Variants in CEP192 observed in about 807,000 individuals in gnomAD.
CEP192 encodes centrosomal protein of 192 kDa.
A neutral mutation model predicts 271.8 loss-of-function variants in CEP192; 151 were observed. The observed-to-expected ratio is 0.56, with a 90% CI of 0.49 to 0.64. CEP192 has a LOEUF of 0.64. Ranked by LOEUF, CEP192 falls within the 30% of genes least tolerant of loss-of-function variation. The pLI is 0.00. For synonymous variants in CEP192, 995 were observed against 1,076.5 expected (o/e 0.92, Z 1.48); for missense variants, 2,910 against 3,020.5 (o/e 0.96, Z 0.86).
chr18:13,087,504 C>G, intron 31 of CEP192, 27 bp from the exon 32 acceptor site: 1 of 1,149,924 alleles, frequency 8.7e-7, no homozygotes, highest in East Asian at 2.4e-5. Context: ...TTAATATTTA[C>G]TCCTGATTTT....
rs1047638263 is a variant in CEP192, at chr18:13,056,274, T to A, written c.3684T>A (p.Ile1228=). 1 of 1,613,948 alleles carries A rather than the reference T, an allele frequency of 6.2e-7. No individual in the cohort carries two copies. The highest frequency in any genetic ancestry group is 8.5e-7 in the Non-Finnish European group (1 of 1,179,858). ...QTTSENQCTP[I]PSSTVHSSVA... The stretch of plus-strand genomic sequence containing the variant: ...CCTCTGAAAACCAGTGTACTCCTAT[T>A]CCCAGCAGCACAGTTCACAGCTCTG... Residue 1228 remains isoleucine (I), a synonymous_variant, in exon 19 of 45, where the codon ATT becomes ATA. Transcript: ENST00000506447.
intron 30 of CEP192, among the ~76,000 whole-genome samples, chr18:13,074,453 T>A (rs2038170475): frequency 6.6e-6 from 1 of 152,226 alleles, no homozygotes; most frequent in Non-Finnish European, 1.5e-5. Flanking sequence ...ATGGGCTGTA[T>A]TTTTCAGACT....
intron 15 of CEP192, among the ~76,000 whole-genome samples, chr18:13,046,127 G>T (rs79182604): frequency 0.034 from 5,176 of 152,154 alleles, 175 homozygotes; most frequent in East Asian, 0.14. Context: ...CTTGGCTTCT[G>T]GGGGGGCCTC....
intron 44 of CEP192, among the ~76,000 whole-genome samples, chr18:13,118,985 C>T (rs1211124625): frequency 6.6e-6 from 1 of 152,160 alleles, no homozygotes; most frequent in African/African-American, 2.4e-5. Flanking sequence ...CCAAGTTTTC[C>T]AACTTCTGTT....
chr18:13,034,066 A>G (rs879453229), intron 11 of CEP192, among the ~76,000 whole-genome samples: 10 of 152,316 alleles, frequency 6.6e-5, no homozygotes, highest in Non-Finnish European at 1.2e-4. Context: ...TTAACTTTGA[A>G]AAGCTCTTTA....
rs1341450176 is a variant in CEP192, at chr18:13,087,244, A to T, written c.5844A>T (p.Pro1948=). 1 of 1,609,538 alleles carries T rather than the reference A, an allele frequency of 6.2e-7. No homozygotes were observed. Among genetic ancestry groups the T allele is most frequent in the Non-Finnish European group, 8.5e-7 (1 of 1,176,340 alleles). Residue 1948 remains proline (P), a synonymous_variant, in exon 31 of 45, where the codon CCA becomes CCT. Coordinates refer to ENST00000506447, the MANE Select transcript of CEP192 (RefSeq NM_032142.4). ...ATCCTAAAGTATTGAGGATTTTTCC[A>T]GATAAATTTGTACTCAAGGAAAGAA... The part of the protein sequence containing the change: ...LLDPKVLRIF[P]DKFVLKERTQ...
At chr18:13,035,347 G>T (rs1371106586) in intron 11 of CEP192, among the ~76,000 whole-genome samples, 1 of 152,196 alleles carries the variant, frequency 6.6e-6, no homozygotes, top group Non-Finnish European at 1.5e-5. Context: ...TGGACTTACA[G>T]TTCCACGTGG....
chr18:13,019,228 G>T (rs1241642447), intron 9 of CEP192, 22 bp downstream of exon 9: 3 of 1,469,116 alleles, frequency 2.0e-6, no homozygotes, highest in African/African-American at 1.5e-5. Flanking sequence ...ATTTTTCTTA[G>T]ATTTCCTATA....
chr18:13,093,522 A>G (rs72875879), intron 34 of CEP192, among the ~76,000 whole-genome samples: 11,412 of 152,298 alleles, frequency 0.075, 511 homozygotes, highest in South Asian at 0.19. Context: ...GACTTCATCC[A>G]GAATTAAGCT....
intron 3 of CEP192, among the ~76,000 whole-genome samples, chr18:13,003,551 G>A (rs2033791926): frequency 6.6e-6 from 1 of 152,032 alleles, no homozygotes; most frequent in South Asian, 2.1e-4. Flanking sequence ...CCAAAGGTGC[G>A]GCCAGCCTGA....
Position 13,017,251 on chromosome 18 carries a change from C to T in CEP192, c.704C>T (p.Ala235Val), listed in dbSNP as rs1354550691. 1 of 1,549,118 alleles carries T rather than the reference C, an allele frequency of 6.5e-7. No individual in the cohort carries two copies. The highest frequency in any genetic ancestry group is 1.2e-5 in the South Asian group (1 of 83,904). Reference protein sequence around the residue: ...DHLEAYFEQLAIPGMIYEDLE... With the variant: ...DHLEAYFEQLVIPGMIYEDLE... ...TTGGAGGCTTATTTTGAACAACTGG[C>T]AATTCCAGGAATGATATATGAAGAC... The change falls in exon 7 of 45, where the codon GCA becomes GTA. Residue 235 changes from alanine to valine, a missense_variant. Ala to Val is a moderately conservative substitution (Grantham distance 64, BLOSUM62 0). Coordinates refer to ENST00000506447, the MANE Select transcript of CEP192 (RefSeq NM_032142.4).
In CEP192 at chr18:13,113,582, G is replaced by C. The variant is rs371084109; in HGVS notation, c.7048-4G>C. 1 of 1,612,578 alleles carries C rather than the reference G, an allele frequency of 6.2e-7. No homozygotes were observed. Among genetic ancestry groups the C allele is most frequent in the Admixed American group, 1.7e-5 (1 of 59,778 alleles). On this transcript the variant is annotated splice_polypyrimidine_tract_variant and splice_region_variant and intron_variant, in intron 40 of 44. Coordinates refer to ENST00000506447, the MANE Select transcript of CEP192 (RefSeq NM_032142.4). ...TAAATTTCTCTTCTGTATGTATTTC[G>C]TAGGTCTCCATCACATTTTTGCCCA... is the stretch of plus-strand genomic sequence containing the variant.
rs1284175242 is a variant in CEP192, at chr18:13,029,899, G to A, written c.1287G>A (p.Lys429=). Residue 429 remains lysine (K), a synonymous_variant, in exon 10 of 45, where the codon AAG becomes AAA. Transcript: ENST00000506447. Reference sequence around the variant, plus strand: ...AAAATGTGGATGTAGCCTCTTTGAAGCCCATTAGTGACAGTGGAATTAATT... The same window carrying A: ...AAAATGTGGATGTAGCCTCTTTGAAACCCATTAGTGACAGTGGAATTAATT... ...IQENVDVASL[K]PISDSGINFT... The A allele has an allele frequency of 3.2e-6, 5 of 1,551,692 alleles. No homozygotes were observed. Among genetic ancestry groups the A allele is most frequent in the Non-Finnish European group, 4.4e-6 (5 of 1,146,972 alleles).
intron 17 of CEP192, among the ~76,000 whole-genome samples, chr18:13,052,358 T>C (rs148741271): frequency 3.3e-5 from 5 of 152,368 alleles, no homozygotes; most frequent in African/African-American, 1.2e-4. Context: ...GATTTAAGCT[T>C]TCCTACTTTT....
At position 13,096,553 on chromosome 18, in the gene CEP192, G is replaced by A. The variant is rs542061742; in HGVS notation, c.6557+246G>A. On this transcript the variant is annotated intron_variant, in intron 36 of 44. Coordinates refer to ENST00000506447, the MANE Select transcript of CEP192 (RefSeq NM_032142.4). The stretch of plus-strand genomic sequence containing the variant: ...GGAGGGTAAAGGGACACACACATTT[G>A]AGGTGGAACAGAGTCCCTGGTATGG... Among the ~76,000 whole-genome samples the A allele has an allele frequency of 1.1e-4, 16 of 152,306 alleles. No homozygotes were observed. In the East Asian group the frequency reaches 3.1e-3, roughly 29 times the overall value.
rs371081725 is a variant in CEP192, at chr18:13,053,130, A to G, written c.3189+40A>G. On this transcript the variant is annotated intron_variant, in intron 18 of 44. Coordinates refer to ENST00000506447, the MANE Select transcript of CEP192 (RefSeq NM_032142.4). ...GGATTATTTATTACTAAGGCTTTCAACTCTTAAAAGTGTTAACAGATGTTT... is the reference window on the plus strand; with the variant it reads ...GGATTATTTATTACTAAGGCTTTCAGCTCTTAAAAGTGTTAACAGATGTTT... 6.0e-5 allele frequency: 91 copies of G among 1,512,246 alleles called. 1 individual carries two copies. The highest frequency in any genetic ancestry group is 1.8e-4 in the African/African-American group (13 of 72,466). 93.7% of individuals were successfully genotyped at this position (1,512,246 alleles called of 1,614,324 possible).
intron 30 of CEP192, among the ~76,000 whole-genome samples, chr18:13,085,909 AGT>A (rs1491154557): frequency 6.6e-5 from 10 of 151,916 alleles, no homozygotes; most frequent in East Asian, 3.9e-4. Flanking sequence ...ACTTTAAAGT[AGT>A]TTTTTTTTTC....
At chr18:13,095,472 C>G (rs1447997301) in intron 34 of CEP192, 31 bp from the exon 35 acceptor site, 3 of 1,559,096 alleles carry the variant, frequency 1.9e-6, no homozygotes, top group Non-Finnish European at 2.6e-6. Flanking sequence ...TTCTTCATGT[C>G]TAACTTTTTC....
intron 24 of CEP192, 77 bp downstream of exon 24, chr18:13,068,499 G>A: frequency 8.7e-7 from 1 of 1,148,254 alleles, no homozygotes; most frequent in Admixed American, 2.1e-5. Context: ...TATTTCCTTT[G>A]TCAATAAATG....
Sources: allele counts gnomAD v4.1 joint callset (sites outside exome capture counted in the v4.1 genomes callset), GRCh38; gene constraint gnomAD v4.1.1; transcripts MANE v1.5; gene names NCBI Gene and HGNC (gene_info 2026-07-23, HGNC 2026-07-21).